The following MDGA1 variants were observed in gnomAD, a reference collection of about 807,000 sequenced individuals.
MDGA1 encodes the protein MAM domain-containing glycosylphosphatidylinositol anchor protein 1.
Under a neutral mutation model 101.5 loss-of-function variants are expected in MDGA1, and 54 were observed. The observed-to-expected ratio is 0.53, with a 90% CI of 0.43 to 0.67. The LOEUF is 0.67. MDGA1 is among the 30% of genes least tolerant of loss of function. The probability of loss-of-function intolerance (pLI) is 0.00; values close to 1 mark genes in which losing one functional copy is unlikely to be tolerated. For synonymous variants in MDGA1, 533 were observed against 558.3 expected (o/e 0.95, Z 0.64); for missense variants, 1,083 against 1,323.8 (o/e 0.82, Z 2.82).
At chr6:37,649,985 G>A (rs959679452) in intron 8 of MDGA1, 124 bp downstream of exon 8, 1 of 1,096,344 alleles carries the variant, frequency 9.1e-7, no homozygotes, top group Non-Finnish European at 1.4e-6. Flanking sequence ...GAGCATTAGG[G>A]GTATCAGGAG....
In MDGA1 at chr6:37,696,841, G is replaced by C. The variant is rs1441389346; in HGVS notation, c.-30C>G. On this transcript the variant is annotated 5_prime_UTR_variant, in exon 1 of 17. Transcript: ENST00000434837. The surrounding 1 kb of genome is among the most constrained non-coding windows in gnomAD (Gnocchi z 5.6). ...ACGGCCGGTGCTTCATCCCCGCGAGGCGGCGCAGCCCGAGAGGCGGCGGGG... is the reference window on the plus strand; with the variant it reads ...ACGGCCGGTGCTTCATCCCCGCGAGCCGGCGCAGCCCGAGAGGCGGCGGGG... The C allele has an allele frequency of 6.4e-7, 1 of 1,553,012 alleles. No homozygotes were observed. The highest frequency in any genetic ancestry group is 1.4e-5 in the African/African-American group (1 of 73,444).
At position 37,658,343 on chromosome 6, in the gene MDGA1, A is replaced by G. The variant is rs1387262888; in HGVS notation, c.284T>C (p.Ile95Thr). The stretch of plus-strand genomic sequence containing the variant: ...GCCCTGCGTGCGTGCAATACGCTCG[A>G]TGCGCAGCGTCTCGTTGAACACCGA... ...ETSVFNETLR[I>T]ERIARTQGGR... Residue 95 changes from isoleucine (I) to threonine (T), a missense_variant, in exon 3 of 17, where the codon ATC becomes ACC. Coordinates refer to ENST00000434837, the MANE Select transcript of MDGA1 (RefSeq NM_153487.4). The G allele has an allele frequency of 6.2e-7, 1 of 1,613,222 alleles. No individual in the cohort carries two copies. Among genetic ancestry groups the G allele is most frequent in the South Asian group, 1.1e-5 (1 of 91,006 alleles).
chr6:37,648,933 T>C, intron 9 of MDGA1, 49 bp downstream of exon 9: 1 of 1,531,798 alleles, frequency 6.5e-7, no homozygotes, highest in Non-Finnish European at 8.8e-7. Context: ...GGGCAGAGCC[T>C]GGCCCCTGGT....
intron 12 of MDGA1, 127 bp from the exon 13 acceptor site, chr6:37,644,776 CA>C: frequency 9.6e-7 from 1 of 1,045,312 alleles, no homozygotes; most frequent in Non-Finnish European, 1.3e-6. Flanking sequence ...TTCCGGGCTT[CA>C]AAAGACCAGG....
intron 1 of MDGA1, among the ~76,000 whole-genome samples, chr6:37,674,431 C>A (rs1761935275): frequency 6.6e-6 from 1 of 152,212 alleles, no homozygotes; most frequent in African/African-American, 2.4e-5. Flanking sequence ...CACTGTGGCG[C>A]CTGGAGCTTC....
chr6:37,654,837 T>C lies in MDGA1; in HGVS notation c.675A>G (p.Pro225=). The change falls in exon 5 of 17, where the codon CCA becomes CCG. Residue 225 remains proline, a synonymous_variant. Coordinates refer to ENST00000434837, the MANE Select transcript of MDGA1 (RefSeq NM_153487.4). ...QVSVRNVCGI[P]DKAITFRLTN... ...TGAGCCGGAAGGTGATGGCCTTGTC[T>C]GGGATGCCGCACACGTTACGCACAG... 1 of 1,613,742 alleles carries C rather than the reference T, an allele frequency of 6.2e-7. No individual in the cohort carries two copies.
At chr6:37,692,009 AG>A (rs1394678998) in intron 1 of MDGA1, among the ~76,000 whole-genome samples, 1 of 152,232 alleles carries the variant, frequency 6.6e-6, no homozygotes, top group East Asian at 1.9e-4. Flanking sequence ...GGCTACGGGC[AG>A]GTGCCTAGGG....
rs1424809068 is a variant in MDGA1 at position 37,650,026 on chromosome 6, G to A, written c.1609+83C>T. On this transcript the variant is annotated intron_variant, in intron 8 of 16. Transcript: ENST00000434837. Reference sequence around the variant, plus strand: ...GGTGGGGTTTGGTTGGACTGGGGTGGGTGAGAGGATGAAGAGGGGACAGGC... The same window carrying A: ...GGTGGGGTTTGGTTGGACTGGGGTGAGTGAGAGGATGAAGAGGGGACAGGC... The A allele has an allele frequency of 7.1e-6, 11 of 1,547,990 alleles. No homozygotes were observed. The East Asian group carries it at 2.0e-4, about 28-fold the overall frequency.
Position 37,635,154 on chromosome 6 carries a change from C to T in MDGA1, c.*2214G>A. The T allele has an allele frequency of 3.7e-6, 1 of 266,956 alleles. No homozygotes were observed. Among genetic ancestry groups the T allele is most frequent in the Non-Finnish European group, 7.0e-6 (1 of 142,780 alleles). 16.5% of individuals were successfully genotyped at this position (266,956 alleles called of 1,614,324 possible). A position where few individuals can be genotyped will look rare whatever the true frequency, so the allele number is the denominator to read the frequency against. On this transcript the variant is annotated 3_prime_UTR_variant, in exon 17 of 17. Coordinates refer to ENST00000434837, the MANE Select transcript of MDGA1 (RefSeq NM_153487.4). ...TCCGACTGCGCTCCAGTCCAATTAA[C>T]TCAGAACCTCTGAGGTGGGAACCAA...
chr6:37,669,140 C>CT (rs1761818654), intron 1 of MDGA1, among the ~76,000 whole-genome samples: 1 of 152,174 alleles, frequency 6.6e-6, no homozygotes, highest in South Asian at 2.1e-4. Context: ...GCCACTACAC[C>CT]TGGCCAAGAG....
Position 37,663,961 on chromosome 6 carries a change from G to A in MDGA1, c.207+6C>T. The A allele has an allele frequency of 6.2e-7, 1 of 1,613,720 alleles. No homozygotes were observed. ...GGGCCTGAGCAAGGCTGGGCTGGGG[G>A]CTTACCTGGGGTCGAGGGTGCCCTG... On this transcript the variant is annotated splice_donor_region_variant and intron_variant, in intron 2 of 16. Transcript: ENST00000434837.
rs1581836622 is a variant in MDGA1, at chr6:37,636,871, T to C, written c.*497A>G. On this transcript the variant is annotated 3_prime_UTR_variant, in exon 17 of 17. Coordinates refer to ENST00000434837, the MANE Select transcript of MDGA1 (RefSeq NM_153487.4). ...TCCTCTGATCCCTGCCTCTCCCATCTCAGGAGTCCCAGAGTCTGACCAAGG... is the reference window on the plus strand; with the variant it reads ...TCCTCTGATCCCTGCCTCTCCCATCCCAGGAGTCCCAGAGTCTGACCAAGG... 5 of 153,204 alleles carry C rather than the reference T, an allele frequency of 3.3e-5. 2 individuals carry two copies. The highest frequency in any genetic ancestry group is 3.3e-4 in the Admixed American group (5 of 15,330). The allele number at this position is 153,204 out of a possible 1,614,324, so 9.5% of individuals were successfully genotyped here. A position where few individuals can be genotyped will look rare whatever the true frequency, so the allele number is the denominator to read the frequency against.
intron 1 of MDGA1, among the ~76,000 whole-genome samples, chr6:37,676,132 A>G (rs1272590761): frequency 6.6e-6 from 1 of 152,230 alleles, no homozygotes; most frequent in Non-Finnish European, 1.5e-5. Context: ...AACCAGACTC[A>G]TGAGTGTGTC....
Position 37,645,935 on chromosome 6 carries a change from G to C in MDGA1, c.2246C>G (p.Ser749Ter). 6.2e-7 allele frequency: 1 copy of C among 1,613,992 alleles called. No homozygotes were observed. The highest frequency in any genetic ancestry group is 8.5e-7 in the Non-Finnish European group (1 of 1,179,900). The change falls in exon 12 of 17, where the codon TCA (serine) becomes TGA (stop). Residue 749 changes from serine to a stop codon, truncating the protein, a stop_gained and splice_region_variant. Transcript: ENST00000434837. LOFTEE classifies it high-confidence loss of function. ...YTEPINSPNL[S>*]DNTCHFEDEK... ...CATGGGTGACTGGGGAGTCTCACCTGAAAGGTTCGGAGAGTTGATGGCTGA... is the reference window on the plus strand; with the variant it reads ...CATGGGTGACTGGGGAGTCTCACCTCAAAGGTTCGGAGAGTTGATGGCTGA...
intron 1 of MDGA1, among the ~76,000 whole-genome samples, chr6:37,686,333 T>G (rs1188935257): frequency 2.7e-5 from 4 of 150,002 alleles, no homozygotes; most frequent in Non-Finnish European, 4.4e-5. Flanking sequence ...CAACCTTTGC[T>G]GCACACTGGA....
rs59914728 is a variant in MDGA1, at chr6:37,631,369, C to T, written c.*5999G>A. 17,646 of 152,162 alleles carry T rather than the reference C, an allele frequency of 0.12. 1,523 individuals are homozygous for T. Among genetic ancestry groups the T allele is most frequent in the African/African-American group, 0.24 (9,971 of 41,452 alleles). 9.4% of individuals were successfully genotyped at this position (152,162 alleles called of 1,614,324 possible). The stretch of plus-strand genomic sequence containing the variant: ...GCAGTGGTGAGTCCCTTAGACCCTT[C>T]CTCTTCCATTAGAAAAGAAAGGCCA... On this transcript the variant is annotated 3_prime_UTR_variant, in exon 17 of 17. Coordinates refer to ENST00000434837, the MANE Select transcript of MDGA1 (RefSeq NM_153487.4).
chr6:37,657,383 G>A (rs1405385905), intron 3 of MDGA1, among the ~76,000 whole-genome samples: 1 of 152,190 alleles, frequency 6.6e-6, no homozygotes, highest in Non-Finnish European at 1.5e-5. Context: ...CAGCCTACTG[G>A]GATAGAAGTC....
chr6:37,660,319 C>T (rs1761593206), intron 2 of MDGA1, among the ~76,000 whole-genome samples: 5 of 151,934 alleles, frequency 3.3e-5, no homozygotes, highest in South Asian at 2.1e-4. Context: ...CCTGGTCCTT[C>T]ATCTCTTTAA....
chr6:37,666,550 A>T (rs1289666363), intron 1 of MDGA1, among the ~76,000 whole-genome samples: 1 of 152,186 alleles, frequency 6.6e-6, no homozygotes, highest in Admixed American at 6.5e-5. Flanking sequence ...TAGAGTATGC[A>T]TCACTCCATT....
Sources: gnomAD v4.1 joint callset for allele counts (sites outside exome capture counted in the v4.1 genomes callset) on GRCh38, gnomAD v4.1.1 for gene constraint, Gnocchi (gnomAD v3.1) non-coding constraint, MANE v1.5 for transcripts, NCBI Gene and HGNC (gene_info 2026-07-23, HGNC 2026-07-21) for gene names.